Variants in AGPS observed in about 807,000 individuals in gnomAD.
AGPS encodes alkyldihydroxyacetonephosphate synthase, peroxisomal.
Under a neutral mutation model 90.7 loss-of-function variants are expected in AGPS, and 26 were observed. The observed-to-expected ratio is 0.29, with a 90% CI of 0.21 to 0.40. AGPS has a LOEUF of 0.40. Ranked by LOEUF, AGPS falls within the 10% of genes least tolerant of loss-of-function variation. The probability of loss-of-function intolerance (pLI) is 1.00; values close to 1 mark genes in which losing one functional copy is unlikely to be tolerated. For synonymous variants in AGPS, 294 were observed against 285.3 expected (o/e 1.03, Z -0.31); for missense variants, 540 against 816.1 (o/e 0.66, Z 4.12).
At chr2:177,412,891 G>A (rs1226072338) in intron 1 of AGPS, among the ~76,000 whole-genome samples, 1 of 152,194 alleles carries the variant, frequency 6.6e-6, no homozygotes, top group Non-Finnish European at 1.5e-5. Flanking sequence ...TAGCTGTGCA[G>A]GAACAATGGC....
chr2:177,432,764 G>A (rs1346425043), intron 2 of AGPS, among the ~76,000 whole-genome samples: 1 of 152,178 alleles, frequency 6.6e-6, no homozygotes, highest in Non-Finnish European at 1.5e-5. Flanking sequence ...TTGGCTCATG[G>A]TTCTGTAGGC....
chr2:177,497,717 T>A lies in AGPS; in HGVS notation c.1314T>A (p.Ser438=). ...FGHALKPQVS[S]IFTSFLDGLK... is the part of the protein sequence containing the mutation. ...ATGCTCTTAAACCTCAGGTTTCCTC[T>A]ATTTTTACATCATTTTTGGACGGAT... The change falls in exon 13 of 20, where the codon TCT becomes TCA. Residue 438 remains serine, a synonymous_variant. Coordinates refer to ENST00000264167, the MANE Select transcript of AGPS (RefSeq NM_003659.4). 6.3e-7 allele frequency: 1 copy of A among 1,582,892 alleles called. No homozygotes were observed. Among genetic ancestry groups the A allele is most frequent in the African/African-American group, 1.3e-5 (1 of 74,178 alleles).
chr2:177,408,090 A>G (rs1489533160), intron 1 of AGPS, among the ~76,000 whole-genome samples: 1 of 152,306 alleles, frequency 6.6e-6, no homozygotes, highest in Non-Finnish European at 1.5e-5. Flanking sequence ...CGAGAAAACA[A>G]ATTTCTAGTA....
chr2:177,515,760 G>T, intron 17 of AGPS, among the ~76,000 whole-genome samples: 1 of 152,054 alleles, frequency 6.6e-6, no homozygotes, highest in East Asian at 1.9e-4. Flanking sequence ...TTTAAGAATG[G>T]TTTTCCTATA....
chr2:177,498,630 A>G (rs1031846270), intron 13 of AGPS, among the ~76,000 whole-genome samples: 81 of 145,636 alleles, frequency 5.6e-4, no homozygotes, highest in African/African-American at 2.0e-3. Context: ...TGAGAATTTA[A>G]AAAAAAAAAA....
At chr2:177,478,894 T>C (rs1687864304) in intron 10 of AGPS, among the ~76,000 whole-genome samples, 1 of 151,830 alleles carries the variant, frequency 6.6e-6, no homozygotes, top group African/African-American at 2.4e-5. Flanking sequence ...ATATCTCTAG[T>C]GAATCTACCT....
At chr2:177,526,119 A>G (rs931713387) in intron 19 of AGPS, among the ~76,000 whole-genome samples, 12 of 152,226 alleles carry the variant, frequency 7.9e-5, no homozygotes, top group Admixed American at 5.9e-4. Flanking sequence ...ATAGTAATCA[A>G]TTCACAGAAA....
At chr2:177,512,964 C>G (rs1198456964) in intron 16 of AGPS, among the ~76,000 whole-genome samples, 1 of 151,974 alleles carries the variant, frequency 6.6e-6, no homozygotes, top group Non-Finnish European at 1.5e-5. Flanking sequence ...CTGTCTCAGC[C>G]TCCCAAGTAG....
At chr2:177,512,208 A>G (rs1248084494) in intron 16 of AGPS, among the ~76,000 whole-genome samples, 1 of 151,962 alleles carries the variant, frequency 6.6e-6, no homozygotes. Flanking sequence ...TATAAGGTAT[A>G]TATTCAAAAT....
intron 7 of AGPS, among the ~76,000 whole-genome samples, chr2:177,445,207 A>G (rs927351861): frequency 2.6e-5 from 4 of 152,328 alleles, no homozygotes; most frequent in Admixed American, 2.0e-4. Flanking sequence ...CCAACACTTT[A>G]TGTATTATTA....
At chr2:177,404,591 T>C (rs770066529) in intron 1 of AGPS, among the ~76,000 whole-genome samples, 5 of 152,238 alleles carry the variant, frequency 3.3e-5, no homozygotes, top group Non-Finnish European at 7.3e-5. Context: ...CACATATCCA[T>C]TAATCCATTC....
At chr2:177,399,360 A>T (rs1685269337) in intron 1 of AGPS, among the ~76,000 whole-genome samples, 1 of 152,180 alleles carries the variant, frequency 6.6e-6, no homozygotes, top group Non-Finnish European at 1.5e-5. Context: ...TAAAGTATTA[A>T]TAGCTCTCTG....
intron 2 of AGPS, among the ~76,000 whole-genome samples, chr2:177,431,034 G>C (rs1164194729): frequency 6.6e-6 from 1 of 152,160 alleles, no homozygotes; most frequent in African/African-American, 2.4e-5. Context: ...GAGGCTAGAT[G>C]ATTGTATATA....
At position 177,542,289 on chromosome 2, in the gene AGPS, A is replaced by G. The variant is rs967691732; in HGVS notation, c.*4094A>G. 1.3e-5 allele frequency: 2 copies of G among 152,130 alleles called. No homozygotes were observed. Among genetic ancestry groups the G allele is most frequent in the African/African-American group, 4.8e-5 (2 of 41,424 alleles). 9.4% of individuals were successfully genotyped at this position (152,130 alleles called of 1,614,324 possible). A position where few individuals can be genotyped will look rare whatever the true frequency, so the allele number is the denominator to read the frequency against. On this transcript the variant is annotated 3_prime_UTR_variant, in exon 20 of 20. Transcript: ENST00000264167. The stretch of plus-strand genomic sequence containing the variant: ...TTTGTCAATCCCTAATCATTTTTTA[A>G]AATCAATGCTGTATTCCCAGGAGGC...
At chr2:177,395,413 G>A (rs907967198) in intron 1 of AGPS, among the ~76,000 whole-genome samples, 2 of 152,196 alleles carry the variant, frequency 1.3e-5, no homozygotes, top group Non-Finnish European at 2.9e-5. Flanking sequence ...TCTTTGGTTC[G>A]GGGTTAGACG....
chr2:177,420,306 G>T lies in AGPS; in HGVS notation c.298G>T (p.Asp100Tyr). The stretch of plus-strand genomic sequence containing the variant: ...GAAATGGAATGGATGGGGATATAAT[G>T]ATTCTAAATTCATCTTCAATAAGAA... The part of the protein sequence containing the change: ...VMKWNGWGYN[D>Y]SKFIFNKKGQ... The change falls in exon 2 of 20, where the codon GAT (aspartate) becomes TAT (tyrosine). Residue 100 changes from aspartate to tyrosine, a missense_variant. Transcript: ENST00000264167. The T allele has an allele frequency of 6.2e-7, 1 of 1,610,630 alleles. No individual in the cohort carries two copies. Among genetic ancestry groups the T allele is most frequent in the Non-Finnish European group, 8.5e-7 (1 of 1,177,426 alleles).
chr2:177,477,177 T>G (rs1254848662), intron 10 of AGPS, among the ~76,000 whole-genome samples: 1 of 152,156 alleles, frequency 6.6e-6, no homozygotes, highest in Non-Finnish European at 1.5e-5. Flanking sequence ...GTCTGCCTTA[T>G]TTTCCCCCCC....
intron 8 of AGPS, among the ~76,000 whole-genome samples, chr2:177,458,768 C>A (rs1259290365): frequency 1.3e-5 from 2 of 152,180 alleles, no homozygotes; most frequent in Admixed American, 1.3e-4. Flanking sequence ...TTTGTAGATG[C>A]AATGCTATTC....
chr2:177,454,637 T>C (rs1226485095), intron 8 of AGPS, among the ~76,000 whole-genome samples: 1 of 151,834 alleles, frequency 6.6e-6, no homozygotes, highest in African/African-American at 2.4e-5. Flanking sequence ...TTTTGAATGG[T>C]AATTTTTGAT....
Sources: allele counts gnomAD v4.1 joint callset (sites outside exome capture counted in the v4.1 genomes callset), GRCh38; gene constraint gnomAD v4.1.1; transcripts MANE v1.5; gene names NCBI Gene and HGNC (gene_info 2026-07-23, HGNC 2026-07-21).